The following DOCK2 variants were observed in gnomAD, a reference collection of about 807,000 sequenced individuals.
DOCK2 encodes the protein dedicator of cytokinesis protein 2.
DOCK2 carries 87 observed loss-of-function variants against 248.9 expected under a neutral mutation model. That is an observed-to-expected ratio of 0.35 (90% CI 0.29 to 0.42). The LOEUF (loss-of-function observed/expected upper bound fraction) is 0.42, where lower values mean the gene tolerates loss of function less well. DOCK2 is among the 10% of genes least tolerant of loss of function. The probability of loss-of-function intolerance (pLI) is 1.00; values close to 1 mark genes in which losing one functional copy is unlikely to be tolerated. For missense variants in DOCK2, 1,747 were observed against 2,300.2 expected (o/e 0.76, Z 4.92); for synonymous variants, 805 against 821.6 (o/e 0.98, Z 0.35).
chr5:169,744,259 C>G (rs1371185250), intron 22 of DOCK2, among the ~76,000 whole-genome samples: 1 of 152,204 alleles, frequency 6.6e-6, no homozygotes, highest in Non-Finnish European at 1.5e-5. Flanking sequence ...TCGTGAAAAT[C>G]AAATTTAGTT....
intron 26 of DOCK2, among the ~76,000 whole-genome samples, chr5:169,806,219 G>GTTTT (rs36108162): frequency 5.7e-5 from 7 of 122,576 alleles, no homozygotes; most frequent in African/African-American, 1.5e-4. Context: ...CACCTCGAGA[G>GTTTT]TTTTTTTTTT....
intron 27 of DOCK2, among the ~76,000 whole-genome samples, chr5:169,912,498 C>T (rs1034424980): frequency 1.3e-5 from 2 of 152,128 alleles, no homozygotes; most frequent in South Asian, 4.1e-4. Context: ...TTCTTAGGGT[C>T]TTATTGAGAC....
At chr5:169,982,734 T>C (rs1396669297) in intron 27 of DOCK2, among the ~76,000 whole-genome samples, 3 of 152,232 alleles carry the variant, frequency 2.0e-5, no homozygotes. Flanking sequence ...TAGAGGTAGA[T>C]TCAGATGAAT....
intron 9 of DOCK2, among the ~76,000 whole-genome samples, 184 bp downstream of exon 9, chr5:169,689,517 G>C (rs1312087862): frequency 6.6e-6 from 1 of 152,108 alleles, no homozygotes; most frequent in Non-Finnish European, 1.5e-5. Flanking sequence ...TCGGAAAGAT[G>C]GATGTTCACC....
intron 22 of DOCK2, among the ~76,000 whole-genome samples, chr5:169,743,843 T>A (rs1387392917): frequency 1.3e-5 from 2 of 148,276 alleles, no homozygotes; most frequent in Non-Finnish European, 3.0e-5. Context: ...TATTTATATT[T>A]TAAGACATAT....
At chr5:169,718,041 G>A (rs1276948031) in intron 21 of DOCK2, among the ~76,000 whole-genome samples, 2 of 149,200 alleles carry the variant, frequency 1.3e-5, no homozygotes, top group Non-Finnish European at 3.0e-5. Context: ...CAGCCTGGGT[G>A]ACAGTAAGAC....
intron 27 of DOCK2, among the ~76,000 whole-genome samples, chr5:169,866,592 A>T (rs983164363): frequency 6.6e-6 from 1 of 152,218 alleles, no homozygotes; most frequent in Non-Finnish European, 1.5e-5. Flanking sequence ...TGGTAGGCAG[A>T]CAATCTCCCT....
intron 29 of DOCK2, among the ~76,000 whole-genome samples, chr5:169,986,743 T>C (rs1166920105): frequency 9.9e-5 from 15 of 152,248 alleles, no homozygotes; most frequent in Admixed American, 9.2e-4. Context: ...TTCTTCTCTT[T>C]TCTTTCTCCC....
chr5:169,638,085 T>C (rs1394853968), intron 1 of DOCK2, among the ~76,000 whole-genome samples: 1 of 152,180 alleles, frequency 6.6e-6, no homozygotes, highest in Admixed American at 6.5e-5. Context: ...CTAAGTGTCA[T>C]CCGTGGTGCA....
intron 13 of DOCK2, among the ~76,000 whole-genome samples, chr5:169,701,971 A>C (rs895871120): frequency 6.6e-6 from 1 of 152,180 alleles, no homozygotes; most frequent in Admixed American, 6.5e-5. Context: ...ATGGGACAGG[A>C]TCAATTCAAT....
intron 27 of DOCK2, chr5:169,883,771 C>A: frequency 6.4e-7 from 1 of 1,551,550 alleles, no homozygotes; most frequent in Non-Finnish European, 8.7e-7. Context: ...CTTAGTGGTC[C>A]CATCTTCCTT....
chr5:170,077,535 C>A (rs568436783), intron 47 of DOCK2, among the ~76,000 whole-genome samples, 175 bp from the exon 48 acceptor site: 1 of 152,304 alleles, frequency 6.6e-6, no homozygotes, highest in Non-Finnish European at 1.5e-5. Flanking sequence ...TAAAGGTCAT[C>A]CACATTCTTC....
At position 169,952,888 on chromosome 5, in the gene DOCK2, T is replaced by C. The variant is rs77104629; in HGVS notation, c.2800-30180T>C. Among the ~76,000 whole-genome samples the C allele has an allele frequency of 8.0e-3, 1,223 of 152,270 alleles. 64 individuals carry two copies. In the East Asian group the frequency reaches 0.13, roughly 17 times the overall value. On this transcript the variant is annotated intron_variant, in intron 27 of 51. Transcript: ENST00000520908. ...TAGATACATAAATACTTTGCAGAAG[T>C]CTGGGACAGTGGAACATAGGAAGAG... is the stretch of plus-strand genomic sequence containing the variant.
chr5:169,772,374 A>G (rs2113773940), intron 25 of DOCK2, among the ~76,000 whole-genome samples: 1 of 152,326 alleles, frequency 6.6e-6, no homozygotes, highest in East Asian at 1.9e-4. Flanking sequence ...TCATAAAGCT[A>G]CCTTCCTGTA....
rs563414898 is a variant in DOCK2, at chr5:169,905,783, G to T, written c.2799+64931G>T. Among the ~76,000 whole-genome samples, 175 of 152,296 alleles carry T rather than the reference G, an allele frequency of 1.1e-3. 1 individual carries two copies. In the Middle Eastern group the frequency reaches 0.014, roughly 12 times the overall value. On this transcript the variant is annotated intron_variant, in intron 27 of 51. Transcript: ENST00000520908. ...TGCAGGGCTCACCACAGCTGCGATT[G>T]GTCCTCTGTCCTTTTTGGACTTGAA... is the stretch of plus-strand genomic sequence containing the variant.
chr5:169,720,201 C>A (rs1016355735), intron 22 of DOCK2, among the ~76,000 whole-genome samples: 5 of 152,176 alleles, frequency 3.3e-5, no homozygotes, highest in Non-Finnish European at 7.3e-5. Flanking sequence ...AGAGATACTT[C>A]TCAGTGATTT....
chr5:169,749,188 C>T (rs6869012), intron 23 of DOCK2, among the ~76,000 whole-genome samples: 5,269 of 152,300 alleles, frequency 0.035, 115 homozygotes, highest in African/African-American at 0.058. Context: ...AGGTGGAAAG[C>T]ATCATTGGTT....
At chr5:169,835,979 C>G (rs1203717844) in intron 26 of DOCK2, among the ~76,000 whole-genome samples, 6 of 152,194 alleles carry the variant, frequency 3.9e-5, no homozygotes, top group Non-Finnish European at 8.8e-5. Context: ...TGATCTTGAA[C>G]TCATGGGCTC....
At chr5:169,656,182 A>G (rs1225219350) in intron 2 of DOCK2, among the ~76,000 whole-genome samples, 1 of 152,222 alleles carries the variant, frequency 6.6e-6, no homozygotes, top group Admixed American at 6.5e-5. Context: ...AATGAAAATA[A>G]AAACAGCAGC....
Sources: allele counts gnomAD v4.1 joint callset (sites outside exome capture counted in the v4.1 genomes callset), GRCh38; gene constraint gnomAD v4.1.1; transcripts MANE v1.5; gene names NCBI Gene and HGNC (gene_info 2026-07-23, HGNC 2026-07-21).